Variants in HP1BP3 observed in about 807,000 individuals in gnomAD.
The protein encoded by HP1BP3 is heterochromatin protein 1-binding protein 3.
In HP1BP3, 12 loss-of-function variants were observed where a neutral mutation model predicts 62.5. That is an observed-to-expected ratio of 0.19 (90% CI 0.12 to 0.31). The LOEUF (loss-of-function observed/expected upper bound fraction) is 0.31. Ranked by LOEUF, HP1BP3 falls within the 10% of genes least tolerant of loss-of-function variation. HP1BP3 has a pLI of 1.00. For missense variants in HP1BP3, 502 were observed against 651.8 expected (o/e 0.77, Z 2.50); for synonymous variants, 260 against 237.8 (o/e 1.09, Z -0.86).
chr1:20,779,310 C>T (rs2057439996), intron 3 of HP1BP3, among the ~76,000 whole-genome samples: 1 of 152,146 alleles, frequency 6.6e-6, no homozygotes, highest in African/African-American at 2.4e-5. Context: ...CATTAGTACT[C>T]CATGTTGATG....
chr1:20,759,632 T>C lies in HP1BP3; in HGVS notation c.891-2376A>G, dbSNP rs568189155. Among the ~76,000 whole-genome samples the C allele has an allele frequency of 2.6e-5, 4 of 152,260 alleles. No individual in the cohort carries two copies. The East Asian group carries it at 7.7e-4, about 29-fold the overall frequency. The stretch of plus-strand genomic sequence containing the variant: ...TTCGAGTCTGCACAACTGTGAGAAA[T>C]ACATTTCTCTTGTTTATATGCCCAA... On this transcript the variant is annotated intron_variant, in intron 8 of 12. Coordinates refer to ENST00000438032, the MANE Select transcript of HP1BP3 (RefSeq NM_001372052.1).
intron 6 of HP1BP3, among the ~76,000 whole-genome samples, chr1:20,770,210 C>T (rs534484074): frequency 6.6e-6 from 1 of 152,274 alleles, no homozygotes; most frequent in Non-Finnish European, 1.5e-5. Context: ...AGTTTAGATA[C>T]TAATCAGTTA....
At chr1:20,771,798 C>A (rs960058899) in intron 5 of HP1BP3, among the ~76,000 whole-genome samples, 5 of 152,114 alleles carry the variant, frequency 3.3e-5, no homozygotes, top group Non-Finnish European at 7.4e-5. Context: ...AATTTTGAAA[C>A]ACACAAAAGT....
rs763421691 is a variant in HP1BP3, at chr1:20,773,594, T to C, written c.367A>G (p.Lys123Glu). 1 of 1,603,758 alleles carries C rather than the reference T, an allele frequency of 6.2e-7. No homozygotes were observed. Among genetic ancestry groups the C allele is most frequent in the Admixed American group, 1.7e-5 (1 of 58,562 alleles). The change falls in exon 5 of 13, where the codon AAA (lysine) becomes GAA (glutamate). Residue 123 changes from lysine (K) to glutamate (E), a missense_variant. Lys to Glu is a moderately conservative substitution (Grantham distance 56, BLOSUM62 1). This residue lies in a region of HP1BP3 where 165 missense variants were observed against 156.4 expected (regional missense o/e 1.05). Transcript: ENST00000438032. ...TTTTTCACTTTCTTCTCCTTTTCTT[T>C]AGACTGATCTTTCTCACTTTAAAAC... is the stretch of plus-strand genomic sequence containing the variant. ...ETKKDEKDQS[K>E]EKEKKVKKTI...
chr1:20,763,004 G>T (rs1441046232), intron 8 of HP1BP3, among the ~76,000 whole-genome samples: 1 of 152,158 alleles, frequency 6.6e-6, no homozygotes, highest in African/African-American at 2.4e-5. Context: ...GAATGGCTTC[G>T]TGCCTTCCTG....
chr1:20,744,673 C>T lies in HP1BP3; in HGVS notation c.*124G>A. On this transcript the variant is annotated 3_prime_UTR_variant, in exon 13 of 13. Coordinates refer to ENST00000438032, the MANE Select transcript of HP1BP3 (RefSeq NM_001372052.1). ...TAAACTGGTTTATTTAGAGTCCCTC[C>T]CCACAATGTTCATAGGGGAGGAAAA... The T allele has an allele frequency of 1.1e-6, 1 of 910,200 alleles. No individual in the cohort carries two copies. The highest frequency in any genetic ancestry group is 1.6e-6 in the Non-Finnish European group (1 of 611,382). The allele number at this position is 910,200 out of a possible 1,614,324, so 56.4% of individuals were successfully genotyped here. A position where few individuals can be genotyped will look rare whatever the true frequency, so the allele number is the denominator to read the frequency against.
intron 7 of HP1BP3, among the ~76,000 whole-genome samples, chr1:20,766,432 A>T (rs1296035464): frequency 6.6e-6 from 1 of 152,226 alleles, no homozygotes; most frequent in African/African-American, 2.4e-5. Context: ...AAAAGGATAA[A>T]AAGCTTCAGA....
At chr1:20,754,910 TTTC>T (rs2056007542) in intron 9 of HP1BP3, among the ~76,000 whole-genome samples, 3 of 152,190 alleles carry the variant, frequency 2.0e-5, no homozygotes. Context: ...TTAGGCAATG[TTTC>T]TTAGATAACC....
intron 3 of HP1BP3, among the ~76,000 whole-genome samples, chr1:20,778,850 C>T (rs533612770): frequency 6.6e-6 from 1 of 150,732 alleles, no homozygotes; most frequent in Non-Finnish European, 1.5e-5. Context: ...AATACAATGG[C>T]GTGATCTCAG....
intron 1 of HP1BP3, among the ~76,000 whole-genome samples, chr1:20,781,936 AATG>A (rs34047946): frequency 0.021 from 3,122 of 152,206 alleles, 61 homozygotes; most frequent in Non-Finnish European, 0.027. Flanking sequence ...CATTTTTCTT[AATG>A]ATAAAAAGCC....
chr1:20,745,143 T>C (rs767630696), intron 12 of HP1BP3, 52 bp from the exon 13 acceptor site: 2 of 1,532,696 alleles, frequency 1.3e-6, no homozygotes, highest in East Asian at 2.3e-5. Context: ...GAGATTCGTT[T>C]TGTTGGGACA....
At position 20,743,126 on chromosome 1, in the gene HP1BP3, T is replaced by C. The variant is rs1038919156; in HGVS notation, c.*1671A>G. 2.0e-5 allele frequency: 3 copies of C among 152,422 alleles called. No homozygotes were observed. Among genetic ancestry groups the C allele is most frequent in the African/African-American group, 7.2e-5 (3 of 41,406 alleles). 9.4% of individuals were successfully genotyped at this position (152,422 alleles called of 1,614,324 possible). On this transcript the variant is annotated 3_prime_UTR_variant, in exon 13 of 13. Coordinates refer to ENST00000438032, the MANE Select transcript of HP1BP3 (RefSeq NM_001372052.1). ...TTCATTTACTTTTTTCCTTTTCTTTTTTTTTTTAATATCTCAAAAAGGAAG... is the reference window on the plus strand; with the variant it reads ...TTCATTTACTTTTTTCCTTTTCTTTCTTTTTTTAATATCTCAAAAAGGAAG...
At chr1:20,764,542 G>A (rs2056665511) in intron 8 of HP1BP3, among the ~76,000 whole-genome samples, 1 of 150,406 alleles carries the variant, frequency 6.6e-6, no homozygotes, top group African/African-American at 2.4e-5. Context: ...TTTTAAACCT[G>A]GTAGAGTAAC....
rs2055069570 is a variant in HP1BP3, at chr1:20,740,997, G to C, written c.*3800C>G. ...CTGCTTCCTTGGCTTTGGCTCTGCA[G>C]AAGTGAGTGACCATCTGTTCCACCA... On this transcript the variant is annotated 3_prime_UTR_variant, in exon 13 of 13. Coordinates refer to ENST00000438032, the MANE Select transcript of HP1BP3 (RefSeq NM_001372052.1). Among the ~76,000 whole-genome samples, 1 of 152,210 alleles carries C rather than the reference G, an allele frequency of 6.6e-6. No individual in the cohort carries two copies. Among genetic ancestry groups the C allele is most frequent in the Non-Finnish European group, 1.5e-5 (1 of 68,036 alleles).
At position 20,741,286 on chromosome 1, in the gene HP1BP3, G is replaced by A. The variant is rs930155293; in HGVS notation, c.*3511C>T. On this transcript the variant is annotated 3_prime_UTR_variant, in exon 13 of 13. Coordinates refer to ENST00000438032, the MANE Select transcript of HP1BP3 (RefSeq NM_001372052.1). The stretch of plus-strand genomic sequence containing the variant: ...GGCTGGTGAGTTTCGTTCTCATGAC[G>A]TATCAAGATGGCAAGAGGGTCACAG... Among the ~76,000 whole-genome samples the A allele has an allele frequency of 4.6e-5, 7 of 152,128 alleles. No homozygotes were observed. Among genetic ancestry groups the A allele is most frequent in the African/African-American group, 7.2e-5 (3 of 41,416 alleles).
Position 20,749,825 on chromosome 1 carries a change from A to C in HP1BP3, c.1039T>G (p.Leu347Val). Residue 347 changes from leucine to valine, a missense_variant, in exon 10 of 13, where the codon TTG becomes GTG. Leu to Val is a conservative substitution (Grantham distance 32). Transcript: ENST00000438032. ...LGGSLMEYAI[L>V]SAIAAMNEPK... ...TCATTCATGGCAGCAATGGCAGACA[A>C]GATTGCATATTCCATCAGGCTTCCA... is the stretch of plus-strand genomic sequence containing the variant. The C allele has an allele frequency of 6.2e-7, 1 of 1,614,174 alleles. No individual in the cohort carries two copies. Among genetic ancestry groups the C allele is most frequent in the Non-Finnish European group, 8.5e-7 (1 of 1,180,032 alleles).
chr1:20,754,575 A>C (rs114517987), intron 9 of HP1BP3, among the ~76,000 whole-genome samples: 196 of 152,306 alleles, frequency 1.3e-3, no homozygotes, highest in African/African-American at 4.5e-3. Context: ...TCCAAATTTC[A>C]AAATTCACTA....
At chr1:20,773,671 G>C in intron 4 of HP1BP3, 61 bp from the exon 5 acceptor site, 4 of 1,206,346 alleles carry the variant, frequency 3.3e-6, no homozygotes, top group Non-Finnish European at 4.4e-6. Context: ...TATAAAGTCA[G>C]AAGGAGGAAA....
chr1:20,780,262 GA>G (rs1358290958), intron 2 of HP1BP3, 82 bp downstream of exon 2: 8 of 954,398 alleles, frequency 8.4e-6, no homozygotes, highest in Non-Finnish European at 1.4e-5. Flanking sequence ...GTAAGGGAAG[GA>G]ACATGTACCA....
Sources: allele counts gnomAD v4.1 joint callset (sites outside exome capture counted in the v4.1 genomes callset), GRCh38; gene constraint gnomAD v4.1.1; regional missense constraint gnomAD v4.1.1; transcripts MANE v1.5; gene names NCBI Gene and HGNC (gene_info 2026-07-23, HGNC 2026-07-21).